Variants in MTHFS observed in about 807,000 individuals in gnomAD.
MTHFS encodes the protein methenyltetrahydrofolate synthetase.
A neutral mutation model predicts 12.7 loss-of-function variants in MTHFS; 7 were observed. That is an observed-to-expected ratio of 0.55 (90% CI 0.31 to 1.03). MTHFS has a LOEUF of 1.03. MTHFS is among the 50% of genes least tolerant of loss of function. MTHFS has a pLI of 0.05. For missense variants in MTHFS, 252 were observed against 258.1 expected (o/e 0.98, Z 0.16); for synonymous variants, 100 against 97.1 (o/e 1.03, Z -0.18).
chr15:79,878,872 TC>T lies in MTHFS; in HGVS notation c.379+10220del, dbSNP rs1253759940. ...GGAAAGCTTATTCCCTTTTTTTTTTTCTTTCTTTCTTTAATTTCCTGCCTCA... is the reference window on the plus strand; with the variant it reads ...GGAAAGCTTATTCCCTTTTTTTTTTTTTTCTTTCTTTAATTTCCTGCCTCA... On this transcript the variant is annotated intron_variant, in intron 2 of 2. Transcript: ENST00000258874. Among the ~76,000 whole-genome samples, 14 of 151,028 alleles carry T rather than the reference TC, an allele frequency of 9.3e-5. 1 individual carries two copies. The highest frequency in any genetic ancestry group is 2.7e-4 in the African/African-American group (11 of 41,018).
At chr15:79,864,656 T>C (rs1224518173) in intron 2 of MTHFS, among the ~76,000 whole-genome samples, 2 of 150,612 alleles carry the variant, frequency 1.3e-5, no homozygotes, top group Admixed American at 1.3e-4. Flanking sequence ...TTCAATATAG[T>C]GTAAGAAACT....
chr15:79,878,766 CT>C (rs1028346297), intron 2 of MTHFS, among the ~76,000 whole-genome samples: 1 of 151,732 alleles, frequency 6.6e-6, no homozygotes, highest in African/African-American at 2.4e-5. Context: ...TGTGTCCTGG[CT>C]TCTTAGATAG....
rs376530706 is a variant in MTHFS at position 79,889,204 on chromosome 15, T to A, written c.268A>T (p.Met90Leu). 6.2e-7 allele frequency: 1 copy of A among 1,614,210 alleles called. No individual in the cohort carries two copies. Among genetic ancestry groups the A allele is most frequent in the East Asian group, 2.2e-5 (1 of 44,882 alleles). ...GGTGATTCTATTCTCACCATATCCA[T>A]GTGATTGCTCTGGAACCGGTACCGA... is the stretch of plus-strand genomic sequence containing the variant. ...IPRYRFQSNHMDMVRIESPEE... is the reference protein window; with the variant it reads ...IPRYRFQSNHLDMVRIESPEE... The change falls in exon 2 of 3, where the codon ATG becomes TTG. Residue 90 changes from methionine (M) to leucine (L), a missense_variant. Met to Leu is a conservative substitution (Grantham distance 15). Coordinates refer to ENST00000258874, the MANE Select transcript of MTHFS (RefSeq NM_006441.4).
rs149115510 is a variant in MTHFS at position 79,862,934 on chromosome 15, A to G, written c.380-17492T>C. Among the ~76,000 whole-genome samples the G allele has an allele frequency of 3.9e-4, 59 of 152,240 alleles. 1 individual carries two copies. The East Asian group carries it at 0.011, about 28-fold the overall frequency. On this transcript the variant is annotated intron_variant, in intron 2 of 2. Transcript: ENST00000258874. ...CCATACTCTGGCAAGTCCTGAATCA[A>G]TATCTCCTATGTCCTGACCTCCAGA...
intron 2 of MTHFS, among the ~76,000 whole-genome samples, chr15:79,859,194 G>A (rs12912711): frequency 0.076 from 11,550 of 152,098 alleles, 489 homozygotes; most frequent in Non-Finnish European, 0.09. Context: ...GCTCTCAAGG[G>A]GATTTTGGAA....
rs1566998947 is a variant in MTHFS at position 79,889,325 on chromosome 15, G to A, written c.147C>T (p.Ser49=). ...KVIAHSEYQK[S]KRISIFLSMQ... ...TGCTCAGAAAGATGGAAATTCTTTT[G>A]GACTTTTGATACTCACTGTGGGCAA... Residue 49 remains serine (S), a synonymous_variant, in exon 2 of 3, where the codon TCC becomes TCT. Coordinates refer to ENST00000258874, the MANE Select transcript of MTHFS (RefSeq NM_006441.4). The A allele has an allele frequency of 1.2e-6, 2 of 1,613,920 alleles. No homozygotes were observed. The highest frequency in any genetic ancestry group is 1.7e-5 in the Admixed American group (1 of 60,004).
rs964704236 is a variant in MTHFS, at chr15:79,845,257, C to T, written c.565G>A (p.Asp189Asn). 3.1e-6 allele frequency: 5 copies of T among 1,614,186 alleles called. No individual in the cohort carries two copies. Among genetic ancestry groups the T allele is most frequent in the South Asian group, 2.2e-5 (2 of 91,086 alleles). The change falls in exon 3 of 3, where the codon GAC becomes AAC. Residue 189 changes from aspartate to asparagine, a missense_variant. Physicochemically the swap from Asp to Asn is conservative, Grantham distance 23 (BLOSUM62 1). Transcript: ENST00000258874. ...TAAAGGACTTCATCTACCTTCATGTCGTTTTCATTCACTGGGACCTGGAGG... is the reference window on the plus strand; with the variant it reads ...TAAAGGACTTCATCTACCTTCATGTTGTTTTCATTCACTGGGACCTGGAGG... ...ICLQVPVNEN[D>N]MKVDEVLYED... is the part of the protein sequence containing the mutation.
At chr15:79,886,409 G>C (rs1396181250) in intron 2 of MTHFS, among the ~76,000 whole-genome samples, 1 of 152,146 alleles carries the variant, frequency 6.6e-6, no homozygotes, top group East Asian at 1.9e-4. Context: ...AGCGAGCTTT[G>C]ACCCCAGACT....
chr15:79,885,632 C>T (rs2034369159), intron 2 of MTHFS, among the ~76,000 whole-genome samples: 1 of 152,222 alleles, frequency 6.6e-6, no homozygotes, highest in African/African-American at 2.4e-5. Flanking sequence ...AGGCCTAAGC[C>T]AGTCAGCCGA....
Position 79,845,283 on chromosome 15 carries a change from C to A in MTHFS, c.539G>T (p.Cys180Phe). The change falls in exon 3 of 3, where the codon TGC becomes TTC. Residue 180 changes from cysteine to phenylalanine, a missense_variant. Coordinates refer to ENST00000258874, the MANE Select transcript of MTHFS (RefSeq NM_006441.4). ...TLALAFKEQI[C>F]LQVPVNENDM... is the part of the protein sequence containing the mutation. ...GTTTTCATTCACTGGGACCTGGAGG[C>A]AAATCTGTTCTTTGAAAGCCAACGC... 6.2e-7 allele frequency: 1 copy of A among 1,614,136 alleles called. No homozygotes were observed. Among genetic ancestry groups the A allele is most frequent in the South Asian group, 1.1e-5 (1 of 91,082 alleles).
At chr15:79,854,088 C>T (rs954415109) in intron 2 of MTHFS, among the ~76,000 whole-genome samples, 15 of 152,070 alleles carry the variant, frequency 9.9e-5, no homozygotes, top group Admixed American at 3.9e-4. Flanking sequence ...TCTTTCCCTA[C>T]GAAATTAAAG....
chr15:79,849,861 A>T (rs771977016), intron 2 of MTHFS, among the ~76,000 whole-genome samples: 1 of 152,190 alleles, frequency 6.6e-6, no homozygotes, highest in Non-Finnish European at 1.5e-5. Flanking sequence ...TTGCATTCCA[A>T]AACTACAAAG....
At chr15:79,884,192 A>G (rs2034344699) in intron 2 of MTHFS, among the ~76,000 whole-genome samples, 1 of 152,234 alleles carries the variant, frequency 6.6e-6, no homozygotes, top group South Asian at 2.1e-4. Flanking sequence ...GAGCAAAACT[A>G]GAATTCAAAT....
chr15:79,869,985 A>C (rs75189147), intron 2 of MTHFS, among the ~76,000 whole-genome samples: 1 of 152,214 alleles, frequency 6.6e-6, no homozygotes, highest in Non-Finnish European at 1.5e-5. Flanking sequence ...CAAAAAAGAT[A>C]GTTGAAAATA....
intron 2 of MTHFS, among the ~76,000 whole-genome samples, chr15:79,860,932 T>C (rs1290457408): frequency 6.6e-6 from 1 of 152,240 alleles, no homozygotes; most frequent in Non-Finnish European, 1.5e-5. Context: ...ACTTCCCTTC[T>C]GAAGCCTTCT....
At chr15:79,878,868 T>TC (rs1419927163) in intron 2 of MTHFS, among the ~76,000 whole-genome samples, 1 of 151,168 alleles carries the variant, frequency 6.6e-6, no homozygotes, top group Non-Finnish European at 1.5e-5. Flanking sequence ...TCCCTTTTTT[T>TC]TTTTCTTTCT....
At chr15:79,873,996 CAG>C (rs1057123218) in intron 2 of MTHFS, among the ~76,000 whole-genome samples, 2 of 152,144 alleles carry the variant, frequency 1.3e-5, no homozygotes, top group Non-Finnish European at 2.9e-5. Flanking sequence ...GAGAGCTTGG[CAG>C]AGAGTAACAG....
chr15:79,886,501 G>A (rs2034384596), intron 2 of MTHFS, among the ~76,000 whole-genome samples: 2 of 151,800 alleles, frequency 1.3e-5, no homozygotes, highest in South Asian at 4.2e-4. Flanking sequence ...AATGCATGGG[G>A]GAAAAAAGCC....
intron 2 of MTHFS, among the ~76,000 whole-genome samples, chr15:79,845,672 C>T (rs1247954906): frequency 6.6e-6 from 1 of 152,174 alleles, no homozygotes; most frequent in Non-Finnish European, 1.5e-5. Context: ...TATATCTGTA[C>T]AAAAGTGCCA....
Sources: allele counts gnomAD v4.1 joint callset (sites outside exome capture counted in the v4.1 genomes callset), GRCh38; gene constraint gnomAD v4.1.1; transcripts MANE v1.5; gene names NCBI Gene and HGNC (gene_info 2026-07-23, HGNC 2026-07-21).